Variants in PLEKHG3 observed in about 807,000 individuals in gnomAD.
The protein encoded by PLEKHG3 is pleckstrin homology and RhoGEF domain containing G3.
In PLEKHG3, 62 loss-of-function variants were observed where a neutral mutation model predicts 94.9. The observed-to-expected ratio is 0.65, with a 90% CI of 0.53 to 0.81. PLEKHG3 has a LOEUF of 0.81. Among genes scored for constraint, PLEKHG3 ranks in the 30% least tolerant of loss-of-function variants. The pLI is 0.00. For synonymous variants in PLEKHG3, 614 were observed against 654.0 expected (o/e 0.94, Z 0.93); for missense variants, 1,461 against 1,619.3 (o/e 0.90, Z 1.68).
chr14:64,741,116 A>G lies in PLEKHG3; in HGVS notation c.1599A>G (p.Ser533=). The G allele has an allele frequency of 6.2e-7, 1 of 1,614,052 alleles. No homozygotes were observed. The highest frequency in any genetic ancestry group is 8.5e-7 in the Non-Finnish European group (1 of 1,179,938). ...GGCCCAGTGCCGAGGAGACGCCTTCAGACACAGAATCTCCAGAAGTCCTGG... is the reference window on the plus strand; with the variant it reads ...GGCCCAGTGCCGAGGAGACGCCTTCGGACACAGAATCTCCAGAAGTCCTGG... ...VEGPSAEETP[S]DTESPEVLET... The change falls in exon 16 of 17, where the codon TCA becomes TCG. Residue 533 remains serine (S), a synonymous_variant. Coordinates refer to ENST00000247226, the MANE Select transcript of PLEKHG3 (RefSeq NM_001308147.2).
chr14:64,737,138 G>C, intron 13 of PLEKHG3: 6 of 644,398 alleles, frequency 9.3e-6, no homozygotes, highest in Non-Finnish European at 1.7e-5. Flanking sequence ...CGAGCAACAG[G>C]CACAGACCTG....
chr14:64,708,949 A>C (rs908587188), intron 1 of PLEKHG3, among the ~76,000 whole-genome samples: 3 of 152,150 alleles, frequency 2.0e-5, no homozygotes, highest in African/African-American at 7.2e-5. Context: ...AGGAAGTTGC[A>C]AAGAGGGCCC....
In PLEKHG3 at chr14:64,704,988, C is replaced by G. The variant is rs1341624059; in HGVS notation, c.-40+284C>G. 6.6e-6 allele frequency among the ~76,000 whole-genome samples: 1 copy of G among 152,164 alleles called. No homozygotes were observed. The highest frequency in any genetic ancestry group is 1.5e-5 in the Non-Finnish European group (1 of 68,026). ...AAAGGGGCAAATGCGCCGGGCGGCT[C>G]CAGAGAGGCTCAGTTTGAAATCCAG... On this transcript the variant is annotated intron_variant, in intron 1 of 16. Transcript: ENST00000247226. The surrounding 1 kb of genome is among the most constrained non-coding windows in gnomAD (Gnocchi z 5.6).
intron 1 of PLEKHG3, among the ~76,000 whole-genome samples, chr14:64,712,075 G>GA (rs1403789453): frequency 6.6e-6 from 1 of 152,158 alleles, no homozygotes; most frequent in Non-Finnish European, 1.5e-5. Flanking sequence ...ACCTTTTGTT[G>GA]AAAAGACTAT....
chr14:64,704,966 G>A lies in PLEKHG3; in HGVS notation c.-40+262G>A, dbSNP rs1376864695. ...TTTTCCCTCCACTCCGGAAACAAAA[G>A]GGGCAAATGCGCCGGGCGGCTCCAG... On this transcript the variant is annotated intron_variant, in intron 1 of 16. Coordinates refer to ENST00000247226, the MANE Select transcript of PLEKHG3 (RefSeq NM_001308147.2). This position sits in a 1 kb window ranked among gnomAD's most constrained non-coding sequence, Gnocchi z 5.6. Among the ~76,000 whole-genome samples, 1 of 152,192 alleles carries A rather than the reference G, an allele frequency of 6.6e-6. No individual in the cohort carries two copies. Among genetic ancestry groups the A allele is most frequent in the Non-Finnish European group, 1.5e-5 (1 of 68,028 alleles).
chr14:64,729,284 G>A (rs2081412408), intron 3 of PLEKHG3, among the ~76,000 whole-genome samples, 191 bp downstream of exon 3: 1 of 152,134 alleles, frequency 6.6e-6, no homozygotes, highest in Non-Finnish European at 1.5e-5. Context: ...GGGCAGACGG[G>A]GAGGTAATTT....
At position 64,731,575 on chromosome 14, in the gene PLEKHG3, T is replaced by G; in HGVS notation, c.1032+32T>G. ...AGGCCCTGCCCCATCTCCTCTGCCA[T>G]CTTCTCTCCTTCCCAAAGGATCTGG... On this transcript the variant is annotated intron_variant, in intron 8 of 16. Transcript: ENST00000247226. The surrounding 1 kb of genome is among the most constrained non-coding windows in gnomAD (Gnocchi z 6.1). The G allele has an allele frequency of 6.2e-7, 1 of 1,603,272 alleles. No individual in the cohort carries two copies. The highest frequency in any genetic ancestry group is 8.5e-7 in the Non-Finnish European group (1 of 1,170,508).
In PLEKHG3 at chr14:64,749,203, A is replaced by ACTCAT; in HGVS notation, c.*5504_*5508dup. The ACTCAT allele has an allele frequency of 7.1e-7, 1 of 1,409,538 alleles. No homozygotes were observed. The highest frequency in any genetic ancestry group is 9.6e-7 in the Non-Finnish European group (1 of 1,038,548). The allele number at this position is 1,409,538 out of a possible 1,614,324, so 87.3% of individuals were successfully genotyped here. A position where few individuals can be genotyped will look rare whatever the true frequency, so the allele number is the denominator to read the frequency against. ...GCCCGGGGGCCCGGCCCGCGACTCGACTCATCTCGATTCGACCGGCGGGCG... is the reference window on the plus strand; with the variant it reads ...GCCCGGGGGCCCGGCCCGCGACTCGACTCATCTCATCTCGATTCGACCGGCGGGCG... On this transcript the variant is annotated 3_prime_UTR_variant, in exon 17 of 17. Coordinates refer to ENST00000247226, the MANE Select transcript of PLEKHG3 (RefSeq NM_001308147.2). The surrounding 1 kb of genome is among the most constrained non-coding windows in gnomAD (Gnocchi z 4.7).
rs58480790 is a variant in PLEKHG3 at position 64,716,496 on chromosome 14, AACACACACACACACACACAC to A, written c.-39-11061_-39-11042del. Among the ~76,000 whole-genome samples, 154 of 79,540 alleles carry A rather than the reference AACACACACACACACACACAC, an allele frequency of 1.9e-3. 1 individual carries two copies. The highest frequency in any genetic ancestry group is 7.9e-3 in the Middle Eastern group (1 of 126). The allele number at this position is 79,540 out of a possible 152,430, so 52.2% of individuals were successfully genotyped here. On this transcript the variant is annotated intron_variant, in intron 1 of 16. Coordinates refer to ENST00000247226, the MANE Select transcript of PLEKHG3 (RefSeq NM_001308147.2). This position sits in a 1 kb window ranked among gnomAD's most constrained non-coding sequence, Gnocchi z 5.0. ...ACACACACACAACACACACACACAC[AACACACACACACACACACAC>A]ACACACACACACACACACACACACA...
chr14:64,742,850 G>A, intron 16 of PLEKHG3, 132 bp from the exon 17 acceptor site: 3 of 798,504 alleles, frequency 3.8e-6, no homozygotes, highest in East Asian at 4.9e-5. Context: ...TGGTAAGTGA[G>A]ATTTCTCCCA....
intron 1 of PLEKHG3, among the ~76,000 whole-genome samples, chr14:64,710,511 G>T (rs1462856529): frequency 6.6e-6 from 1 of 151,992 alleles, no homozygotes; most frequent in Non-Finnish European, 1.5e-5. Flanking sequence ...CTCTATTAAA[G>T]ATAACAAAAA....
intron 14 of PLEKHG3, chr14:64,737,763 G>A: frequency 1.9e-6 from 1 of 526,466 alleles, no homozygotes; most frequent in African/African-American, 2.0e-5. Flanking sequence ...GCATCTAGGT[G>A]TGGCTTTCTG....
In PLEKHG3 at chr14:64,743,678, TC is replaced by T; in HGVS notation, c.3637del (p.Gln1213ArgfsTer3). On this transcript the variant is annotated frameshift_variant, in exon 17 of 17. Coordinates refer to ENST00000247226, the MANE Select transcript of PLEKHG3 (RefSeq NM_001308147.2). LOFTEE classifies it high-confidence loss of function. This position sits in a 1 kb window ranked among gnomAD's most constrained non-coding sequence, Gnocchi z 7.2. ...QGRVRNLREK[F>X]QALNSVG Reference sequence around the variant, plus strand: ...AGAGTGAGAAACCTTAGAGAGAAGTTCCAGGCCTTGAACTCTGTCGGTTGAT... The same window carrying T: ...AGAGTGAGAAACCTTAGAGAGAAGTTCAGGCCTTGAACTCTGTCGGTTGAT... The T allele has an allele frequency of 6.3e-7, 1 of 1,580,878 alleles. No individual in the cohort carries two copies.
At chr14:64,710,465 T>C (rs2081051305) in intron 1 of PLEKHG3, among the ~76,000 whole-genome samples, 1 of 151,694 alleles carries the variant, frequency 6.6e-6, no homozygotes, top group Admixed American at 6.6e-5. Context: ...AGGTCGGGAG[T>C]TTGAGACCAG....
rs1036837264 is a variant in PLEKHG3, at chr14:64,738,423, T to C, written c.1405-319T>C. ...TGTTCCAGTACTGGGCACTAATCAA[T>C]ATAACGCCCAACAAGCATGACAAGT... On this transcript the variant is annotated intron_variant, in intron 14 of 16. Transcript: ENST00000247226. The surrounding 1 kb of genome is among the most constrained non-coding windows in gnomAD (Gnocchi z 4.8). Among the ~76,000 whole-genome samples, 2 of 151,952 alleles carry C rather than the reference T, an allele frequency of 1.3e-5. No homozygotes were observed. The highest frequency in any genetic ancestry group is 4.8e-5 in the African/African-American group (2 of 41,362).
chr14:64,737,230 A>T, intron 13 of PLEKHG3, 126 bp from the exon 14 acceptor site: 1 of 734,382 alleles, frequency 1.4e-6, no homozygotes, highest in Non-Finnish European at 2.4e-6. Flanking sequence ...TTCTGGGAGC[A>T]GGAGCCCCCA....
intron 16 of PLEKHG3, among the ~76,000 whole-genome samples, chr14:64,742,719 C>T (rs1473503544): frequency 6.6e-6 from 1 of 152,204 alleles, no homozygotes; most frequent in Non-Finnish European, 1.5e-5. Context: ...GAAGCATGGC[C>T]CCAGGCCCCT....
Position 64,732,468 on chromosome 14 carries a change from T to C in PLEKHG3, c.1246+8T>C. The C allele has an allele frequency of 6.2e-7, 1 of 1,611,954 alleles. No homozygotes were observed. Among genetic ancestry groups the C allele is most frequent in the Non-Finnish European group, 8.5e-7 (1 of 1,177,996 alleles). ...TGGAAATGGATTCCTATTGTAAGTGTACCCTTTTCTGCCTGTTTTGTCCCT... is the reference window on the plus strand; with the variant it reads ...TGGAAATGGATTCCTATTGTAAGTGCACCCTTTTCTGCCTGTTTTGTCCCT... On this transcript the variant is annotated splice_region_variant and intron_variant, in intron 11 of 16. Transcript: ENST00000247226. This position sits in a 1 kb window ranked among gnomAD's most constrained non-coding sequence, Gnocchi z 4.9.
Position 64,728,919 on chromosome 14 carries a change from G to A in PLEKHG3, c.352-77G>A, listed in dbSNP as rs1013043857. 9 of 603,148 alleles carry A rather than the reference G, an allele frequency of 1.5e-5. No individual in the cohort carries two copies. The highest frequency in any genetic ancestry group is 2.6e-5 in the Admixed American group (1 of 37,990). 37.4% of individuals were successfully genotyped at this position (603,148 alleles called of 1,614,324 possible). A position where few individuals can be genotyped will look rare whatever the true frequency, so the allele number is the denominator to read the frequency against. On this transcript the variant is annotated intron_variant, in intron 2 of 16. Transcript: ENST00000247226. This position sits in a 1 kb window ranked among gnomAD's most constrained non-coding sequence, Gnocchi z 5.9. ...CGTGAAGTGGTGTTACAGCAGGGCC[G>A]AAACGAGGTGTGGCTAGGGAAGGTA...
Sources: gnomAD v4.1 joint callset for allele counts (sites outside exome capture counted in the v4.1 genomes callset) on GRCh38, gnomAD v4.1.1 for gene constraint, Gnocchi (gnomAD v3.1) non-coding constraint, MANE v1.5 for transcripts, NCBI Gene and HGNC (gene_info 2026-07-23, HGNC 2026-07-21) for gene names.